The following PDE1C variants were observed in gnomAD, a reference collection of about 807,000 sequenced individuals.
PDE1C encodes the protein phosphodiesterase 1C, also known as dual specificity calcium/calmodulin-dependent 3',5'-cyclic nucleotide phosphodiesterase 1C.
A neutral mutation model predicts 93.1 loss-of-function variants in PDE1C; 62 were observed. That is an observed-to-expected ratio of 0.67 (90% confidence interval 0.54 to 0.82). The LOEUF (loss-of-function observed/expected upper bound fraction) is 0.82, where lower values mean the gene tolerates loss of function less well. PDE1C is among the 40% of genes least tolerant of loss of function. The pLI, the probability that PDE1C is intolerant of heterozygous loss-of-function variation, is 0.00. For synonymous variants in PDE1C, 325 were observed against 310.1 expected, an observed-to-expected ratio of 1.05 and a Z score of -0.50; for missense variants, 742 against 884.6, an observed-to-expected ratio of 0.84 and a Z score of 2.04.
rs567706879 is a variant in PDE1C, at chr7:32,331,397, A to G, written c.310+96425T>C. 2.0e-5 allele frequency among the ~76,000 whole-genome samples: 3 copies of G among 152,368 alleles called. No homozygotes were observed. The South Asian group carries it at 6.2e-4, about 32-fold the overall frequency. ...TTACAGGTTAGTGGGGAAGACAGAC[A>G]TGCAAAAAAGACAGAAAGAAACATG... On this transcript the variant is annotated intron_variant, in intron 1 of 1. Transcript: ENST00000672256.
chr7:32,074,765 A>T (rs2128731235), upstream of PDE1C, among the ~76,000 whole-genome samples: 1 of 152,346 alleles, frequency 6.6e-6, no homozygotes, highest in African/African-American at 2.4e-5. Context: ...GGGTGGAGGC[A>T]GGTGATTCCA....
At chr7:32,095,618 T>C (rs527726886) in intron 3 of PDE1C, among the ~76,000 whole-genome samples, 2 of 152,332 alleles carry the variant, frequency 1.3e-5, no homozygotes, top group South Asian at 4.1e-4. Flanking sequence ...GCCTCAAATA[T>C]ATGTGTGGCT....
intron 2 of PDE1C, among the ~76,000 whole-genome samples, chr7:32,044,210 T>C (rs1457597051): frequency 1.3e-5 from 2 of 152,216 alleles, no homozygotes; most frequent in Middle Eastern, 3.4e-3. Context: ...GGTCTTTGAA[T>C]TGGATCTTGA....
At chr7:32,180,043 T>C (rs770681517) in intron 2 of PDE1C, among the ~76,000 whole-genome samples, 17 of 152,096 alleles carry the variant, frequency 1.1e-4, no homozygotes, top group Admixed American at 2.6e-4. Flanking sequence ...CTGGGATACA[T>C]AGGAATTAGG....
rs565246823 is a variant in PDE1C, at chr7:32,113,634, T to C, written c.308+56151A>G. 7.2e-5 allele frequency among the ~76,000 whole-genome samples: 11 copies of C among 152,162 alleles called. No individual in the cohort carries two copies. In the South Asian group the frequency reaches 2.3e-3, roughly 32 times the overall value. ...TTACTTGGTCATGATATAGCTACAG[T>C]CAATTTAGTAATGCTTTTAGAATTT... On this transcript the variant is annotated intron_variant, in intron 3 of 18. Transcript: ENST00000396193.
At chr7:32,159,498 C>G (rs551872195) in intron 3 of PDE1C, among the ~76,000 whole-genome samples, 1 of 152,218 alleles carries the variant, frequency 6.6e-6, no homozygotes, top group African/African-American at 2.4e-5. Context: ...CAGTTAAAGT[C>G]ATTCATCATG....
chr7:32,412,719 A>G (rs1785196953), intron 1 of PDE1C, among the ~76,000 whole-genome samples: 1 of 152,144 alleles, frequency 6.6e-6, no homozygotes, highest in Non-Finnish European at 1.5e-5. Flanking sequence ...TTCGTTATGC[A>G]GGACATAACT....
intron 1 of PDE1C, among the ~76,000 whole-genome samples, chr7:32,335,564 G>A (rs1051495114): frequency 6.6e-6 from 1 of 152,126 alleles, no homozygotes; most frequent in African/African-American, 2.4e-5. Flanking sequence ...TTGGCTTGTC[G>A]ATGGCCATCT....
At chr7:32,273,328 T>G (rs969960523) in intron 1 of PDE1C, among the ~76,000 whole-genome samples, 1 of 152,180 alleles carries the variant, frequency 6.6e-6, no homozygotes. Context: ...AAAGCAAAGA[T>G]GTCCATTAAA....
At chr7:32,340,978 G>A (rs1437132846) in intron 1 of PDE1C, among the ~76,000 whole-genome samples, 1 of 151,918 alleles carries the variant, frequency 6.6e-6, no homozygotes, top group Non-Finnish European at 1.5e-5. Context: ...CACCAAGAAT[G>A]GCCCCTAATG....
At chr7:32,262,460 G>T (rs1018288947) in intron 1 of PDE1C, among the ~76,000 whole-genome samples, 2 of 152,212 alleles carry the variant, frequency 1.3e-5, no homozygotes. Context: ...GAGCACTGCC[G>T]TGCAGCCTGC....
At chr7:31,666,843 T>A in the PDE1C span, among the ~76,000 whole-genome samples, 1 of 152,190 alleles carries the variant, frequency 6.6e-6, no homozygotes, top group Non-Finnish European at 1.5e-5. Flanking sequence ...ACCAGATGTA[T>A]GTTGTTTACC....
At chr7:32,324,778 A>T (rs891034570) in intron 1 of PDE1C, among the ~76,000 whole-genome samples, 1 of 152,140 alleles carries the variant, frequency 6.6e-6, no homozygotes, top group African/African-American at 2.4e-5. Context: ...GCAAGACCTC[A>T]TCTATATGAA....
intron 1 of PDE1C, among the ~76,000 whole-genome samples, chr7:32,312,368 C>G (rs935069080): frequency 6.6e-6 from 1 of 151,824 alleles, no homozygotes; most frequent in African/African-American, 2.4e-5. Context: ...CCCCATCAAG[C>G]TACCAATGAC....
In PDE1C at chr7:32,078,374, G is replaced by A. The variant is rs904064786; in HGVS notation, c.308+91411C>T. Among the ~76,000 whole-genome samples the A allele has an allele frequency of 1.3e-5, 2 of 152,184 alleles. 1 individual carries two copies. Among genetic ancestry groups the A allele is most frequent in the Middle Eastern group, 6.3e-3 (2 of 316 alleles). ...AAGAATGGCTCCCACTTCCAACGGA[G>A]GACTGGTTCAATGGTTTGCTCAGTT... is the stretch of plus-strand genomic sequence containing the variant. On this transcript the variant is annotated intron_variant, in intron 3 of 18. Transcript: ENST00000396193.
At chr7:32,017,904 C>A (rs1304325835) in intron 2 of PDE1C, among the ~76,000 whole-genome samples, 1 of 112,272 alleles carries the variant, frequency 8.9e-6, no homozygotes, top group Non-Finnish European at 2.0e-5. Flanking sequence ...CATGGTGAAA[C>A]CCTGTCTCTA....
intron 1 of PDE1C, among the ~76,000 whole-genome samples, chr7:32,210,423 A>G (rs1464003430): frequency 6.6e-6 from 1 of 152,248 alleles, no homozygotes; most frequent in African/African-American, 2.4e-5. Flanking sequence ...CAATGCATCA[A>G]CAGAATAAAG....
At chr7:31,678,660 T>C in the PDE1C span, among the ~76,000 whole-genome samples, 1 of 152,212 alleles carries the variant, frequency 6.6e-6, no homozygotes, top group Non-Finnish European at 1.5e-5. Flanking sequence ...GGACAGTTAT[T>C]ACTATTCCTA....
At chr7:32,028,442 A>G (rs560686067) in intron 2 of PDE1C, among the ~76,000 whole-genome samples, 1 of 152,290 alleles carries the variant, frequency 6.6e-6, no homozygotes, top group East Asian at 1.9e-4. Context: ...TATGCAAACC[A>G]TAAGAAAGAT....
Sources: allele counts gnomAD v4.1 joint callset (sites outside exome capture counted in the v4.1 genomes callset), GRCh38; gene constraint gnomAD v4.1.1; transcripts MANE v1.5; gene names NCBI Gene and HGNC (gene_info 2026-07-23, HGNC 2026-07-21).